The following GNA12 variants were observed in gnomAD, a reference collection of about 807,000 sequenced individuals.
GNA12 encodes the protein guanine nucleotide-binding protein subunit alpha-12.
GNA12 carries 9 observed loss-of-function variants against 26.0 expected under a neutral mutation model. That is an observed-to-expected ratio of 0.35 (90% confidence interval 0.21 to 0.60). GNA12 has a LOEUF of 0.60. Among genes scored for constraint, GNA12 ranks in the 20% least tolerant of loss-of-function variants. GNA12 has a pLI of 0.78. For synonymous variants in GNA12, 264 were observed against 219.6 expected (o/e 1.20, Z -1.79); for missense variants, 405 against 525.8 (o/e 0.77, Z 2.25).
chr7:2,733,387 T>C (rs1789997939), intron 3 of GNA12, 64 bp downstream of exon 3: 11 of 1,309,110 alleles, frequency 8.4e-6, no homozygotes, highest in Non-Finnish European at 1.2e-5. Context: ...GTGGACTGCT[T>C]TGGTCTCTGG....
chr7:2,782,466 G>A (rs1237565749), intron 2 of GNA12, among the ~76,000 whole-genome samples: 1 of 152,170 alleles, frequency 6.6e-6, no homozygotes, highest in Non-Finnish European at 1.5e-5. Context: ...TAGATTGAGA[G>A]TTAAGCTCTC....
chr7:2,818,946 A>G (rs1481384367), intron 1 of GNA12, among the ~76,000 whole-genome samples: 1 of 152,130 alleles, frequency 6.6e-6, no homozygotes, highest in Non-Finnish European at 1.5e-5. Context: ...CAGAATTCTA[A>G]AGATGGCCGG....
At chr7:2,790,263 T>G (rs1037208222) in intron 2 of GNA12, among the ~76,000 whole-genome samples, 12 of 152,364 alleles carry the variant, frequency 7.9e-5, no homozygotes, top group African/African-American at 2.9e-4. Context: ...TTACATATTT[T>G]TTGAGACAGG....
At chr7:2,810,420 G>A (rs11767861) in intron 1 of GNA12, among the ~76,000 whole-genome samples, 24,503 of 152,088 alleles carry the variant, frequency 0.16, 2,076 homozygotes, top group Non-Finnish European at 0.2. Flanking sequence ...TTCAACATAG[G>A]AATTTTGAGA....
chr7:2,795,529 G>A (rs1366220318), intron 1 of GNA12, among the ~76,000 whole-genome samples: 1 of 151,772 alleles, frequency 6.6e-6, no homozygotes, highest in African/African-American at 2.4e-5. Flanking sequence ...AGTCTCAGCT[G>A]AGCGGGGAGG....
chr7:2,793,228 G>T (rs888955793), intron 2 of GNA12, among the ~76,000 whole-genome samples: 4 of 152,100 alleles, frequency 2.6e-5, no homozygotes, highest in African/African-American at 9.7e-5. Context: ...AGACCAAGGG[G>T]ACACAATGAC....
chr7:2,782,278 G>GA (rs1263945935), intron 2 of GNA12, among the ~76,000 whole-genome samples: 2 of 152,082 alleles, frequency 1.3e-5, no homozygotes, highest in Non-Finnish European at 2.9e-5. Flanking sequence ...GAAAACAAAA[G>GA]AAAAAAGAGA....
chr7:2,780,046 G>GTATATGTGTGTA (rs1338485354), intron 2 of GNA12, among the ~76,000 whole-genome samples: 1 of 85,824 alleles, frequency 1.2e-5, no homozygotes, highest in Non-Finnish European at 2.3e-5. Flanking sequence ...ACACATTTCT[G>GTATATGTGTGTA]TGTACATATA....
chr7:2,745,036 C>T (rs1362639259), intron 2 of GNA12, among the ~76,000 whole-genome samples: 2 of 152,216 alleles, frequency 1.3e-5, no homozygotes, highest in Non-Finnish European at 2.9e-5. Context: ...ACCAAATCTA[C>T]ATCTGATTGG....
chr7:2,771,627 C>G (rs1791951248), intron 2 of GNA12, among the ~76,000 whole-genome samples: 1 of 152,164 alleles, frequency 6.6e-6, no homozygotes, highest in Non-Finnish European at 1.5e-5. Context: ...CTGCAGGTTA[C>G]CAGGTGCTCC....
intron 1 of GNA12, among the ~76,000 whole-genome samples, chr7:2,830,924 G>C (rs1041415645): frequency 6.6e-6 from 1 of 151,370 alleles, no homozygotes; most frequent in Non-Finnish European, 1.5e-5. Context: ...CTAGGTGACA[G>C]AGCAAGACCC....
Position 2,831,198 on chromosome 7 carries a change from T to G in GNA12, c.309+12655A>C, listed in dbSNP as rs187752191. Among the ~76,000 whole-genome samples the G allele has an allele frequency of 2.0e-5, 3 of 151,902 alleles. No homozygotes were observed. The East Asian group carries it at 5.8e-4, about 29-fold the overall frequency. Reference sequence around the variant, plus strand: ...CTCATTGTGCTACGGTCATACCAGATAAGTACTGATAAGAAAGTAAATGAC... The same window carrying G: ...CTCATTGTGCTACGGTCATACCAGAGAAGTACTGATAAGAAAGTAAATGAC... On this transcript the variant is annotated intron_variant, in intron 1 of 3. Coordinates refer to ENST00000275364, the MANE Select transcript of GNA12 (RefSeq NM_007353.3).
chr7:2,756,891 C>T (rs530348831), intron 2 of GNA12, among the ~76,000 whole-genome samples: 8 of 151,488 alleles, frequency 5.3e-5, no homozygotes, highest in Non-Finnish European at 1.0e-4. Flanking sequence ...CTGGGTAACA[C>T]AGTGAGACCT....
rs1789901026 is a variant in GNA12, at chr7:2,731,599, T to C, written c.728A>G (p.Asp243Gly). ...CATGAACAGGATGGACGTGATCCCG[T>C]CGAAGCACTGGAACCACTTCTGGCG... Reference protein sequence around the residue: ...SQRQKWFQCFDGITSILFMVS... With the variant: ...SQRQKWFQCFGGITSILFMVS... Residue 243 changes from aspartate to glycine, a missense_variant, in exon 4 of 4, where the codon GAC becomes GGC. Transcript: ENST00000275364. This position sits in a 1 kb window ranked among gnomAD's most constrained non-coding sequence, Gnocchi z 6.0. 6.2e-7 allele frequency: 1 copy of C among 1,613,766 alleles called. No individual in the cohort carries two copies.
At chr7:2,766,755 T>A (rs898783004) in intron 2 of GNA12, among the ~76,000 whole-genome samples, 8 of 152,236 alleles carry the variant, frequency 5.3e-5, no homozygotes, top group Non-Finnish European at 8.8e-5. Flanking sequence ...TCTGAGACCC[T>A]GCTTTCCATT....
At chr7:2,812,951 T>A (rs1020861967) in intron 1 of GNA12, among the ~76,000 whole-genome samples, 6 of 152,122 alleles carry the variant, frequency 3.9e-5, no homozygotes, top group South Asian at 2.1e-4. Flanking sequence ...TTAAAAAAAA[T>A]TTTATGTTTA....
chr7:2,844,052 C>T lies in GNA12; in HGVS notation c.110G>A (p.Arg37Gln). The change falls in exon 1 of 4, where the codon CGG (arginine) becomes CAG (glutamine). Residue 37 changes from arginine (R) to glutamine (Q), a missense_variant. Coordinates refer to ENST00000275364, the MANE Select transcript of GNA12 (RefSeq NM_007353.3). The stretch of plus-strand genomic sequence containing the variant: ...CGCGTCGATGTCGCGGCTACGCCTC[C>T]GGGCCTCGCGCTCCGCGTCGCGCGC... Reference protein sequence around the residue: ...SGARDAEREARRRSRDIDALL... With the variant: ...SGARDAEREAQRRSRDIDALL... The T allele has an allele frequency of 2.4e-6, 3 of 1,246,676 alleles. No individual in the cohort carries two copies. The highest frequency in any genetic ancestry group is 1.6e-5 in the African/African-American group (1 of 62,856). 77.2% of individuals were successfully genotyped at this position (1,246,676 alleles called of 1,614,324 possible).
Position 2,728,113 on chromosome 7 carries a change from T to A in GNA12, c.*3068A>T, listed in dbSNP as rs569849158. ...TTTGAATACTGGCACTATTTTATAT[T>A]AAGCAAAGAAAGACTAAATTTATTT... On this transcript the variant is annotated 3_prime_UTR_variant, in exon 4 of 4. Transcript: ENST00000275364. The A allele has an allele frequency of 3.3e-5, 5 of 152,294 alleles. No individual in the cohort carries two copies. The highest frequency in any genetic ancestry group is 5.9e-5 in the Non-Finnish European group (4 of 68,028). 9.4% of individuals were successfully genotyped at this position (152,294 alleles called of 1,614,324 possible). A position where few individuals can be genotyped will look rare whatever the true frequency, so the allele number is the denominator to read the frequency against.
intron 2 of GNA12, among the ~76,000 whole-genome samples, chr7:2,752,094 T>C (rs1791068771): frequency 6.6e-6 from 1 of 152,086 alleles, no homozygotes. Context: ...ACAATATCTT[T>C]AACAAAACTT....
Sources: gnomAD v4.1 joint callset for allele counts (sites outside exome capture counted in the v4.1 genomes callset) on GRCh38, gnomAD v4.1.1 for gene constraint, Gnocchi (gnomAD v3.1) non-coding constraint, MANE v1.5 for transcripts, NCBI Gene and HGNC (gene_info 2026-07-23, HGNC 2026-07-21) for gene names.